Variants in KIF6 observed in about 807,000 individuals in gnomAD.
The protein encoded by KIF6 is kinesin-like protein KIF6.
A neutral mutation model predicts 112.7 loss-of-function variants in KIF6; 106 were observed. That is an observed-to-expected ratio of 0.94 (90% CI 0.80 to 1.11). KIF6 has a LOEUF of 1.11. KIF6 is among the 50% of genes least tolerant of loss of function. KIF6 has a pLI of 0.00. For synonymous variants in KIF6, 339 were observed against 339.9 expected (o/e 1.00, Z 0.03); for missense variants, 929 against 964.0 (o/e 0.96, Z 0.48).
chr6:39,590,427 G>A (rs9471132), intron 7 of KIF6, among the ~76,000 whole-genome samples: 3,578 of 112,416 alleles, frequency 0.032, 99 homozygotes, highest in African/African-American at 0.071. Flanking sequence ...GTATGTGTGT[G>A]TGTATATATA....
chr6:39,623,204 T>C (rs1783920277), intron 5 of KIF6, among the ~76,000 whole-genome samples: 1 of 152,344 alleles, frequency 6.6e-6, no homozygotes, highest in African/African-American at 2.4e-5. Context: ...ATTAGAACTT[T>C]TACTTAATTT....
At chr6:39,386,679 C>T (rs1278145943) in intron 15 of KIF6, among the ~76,000 whole-genome samples, 1 of 152,016 alleles carries the variant, frequency 6.6e-6, no homozygotes, top group Non-Finnish European at 1.5e-5. Flanking sequence ...GTGAGAATTC[C>T]TGCCCTGGGT....
chr6:39,425,491 C>T (rs1770699778), intron 14 of KIF6, among the ~76,000 whole-genome samples: 1 of 152,048 alleles, frequency 6.6e-6, no homozygotes, highest in African/African-American at 2.4e-5. Context: ...ATCTCTCCCA[C>T]TATGGCCTCC....
In KIF6 at chr6:39,720,835, G is replaced by C. The variant is rs368380427; in HGVS notation, c.67-24C>G. 1.2e-5 allele frequency: 12 copies of C among 1,017,540 alleles called. No homozygotes were observed. In the African/African-American group the frequency reaches 1.9e-4, roughly 16 times the overall value. The allele number at this position is 1,017,540 out of a possible 1,614,324, so 63.0% of individuals were successfully genotyped here. On this transcript the variant is annotated intron_variant, in intron 1 of 22. Coordinates refer to ENST00000287152, the MANE Select transcript of KIF6 (RefSeq NM_145027.6). ...ATCTGCAAATGTGAAGACAACAAATGGATATAAAATGGTGAAATTATGGCT... is the reference window on the plus strand; with the variant it reads ...ATCTGCAAATGTGAAGACAACAAATCGATATAAAATGGTGAAATTATGGCT...
intron 19 of KIF6, 129 bp from the exon 20 acceptor site, chr6:39,346,655 CT>C (rs969874356): frequency 7.3e-4 from 388 of 529,066 alleles, no homozygotes; most frequent in South Asian, 1.3e-3. Flanking sequence ...TTCTTTTTTT[CT>C]TTTTTTTTGA....
chr6:39,673,722 C>T (rs1786972576), intron 3 of KIF6, among the ~76,000 whole-genome samples: 1 of 152,132 alleles, frequency 6.6e-6, no homozygotes, highest in Non-Finnish European at 1.5e-5. Context: ...ATGTAAAATG[C>T]TTCAAAGAGG....
In KIF6 at chr6:39,723,785, C is replaced by T. The variant is rs1036930972; in HGVS notation, c.66+1460G>A. 3.9e-5 allele frequency among the ~76,000 whole-genome samples: 6 copies of T among 152,072 alleles called. No homozygotes were observed. The East Asian group carries it at 7.7e-4, about 20-fold the overall frequency. ...GGGAGGGATAGCATTAGGAGAAATA[C>T]CTAATGTAGATGACAGATTGGTGGG... On this transcript the variant is annotated intron_variant, in intron 1 of 22. Transcript: ENST00000287152.
At chr6:39,338,374 G>A (rs992561637) in intron 22 of KIF6, among the ~76,000 whole-genome samples, 42 of 152,320 alleles carry the variant, frequency 2.8e-4, no homozygotes, top group African/African-American at 9.9e-4. Context: ...GGAAGAGATT[G>A]GAAATAATTC....
intron 13 of KIF6, among the ~76,000 whole-genome samples, chr6:39,455,723 G>T (rs1406934373): frequency 6.6e-6 from 1 of 151,908 alleles, no homozygotes; most frequent in Non-Finnish European, 1.5e-5. Context: ...CGTGAAGAAT[G>T]CAGAAGCCTC....
At chr6:39,621,432 T>C (rs1159860193) in intron 5 of KIF6, among the ~76,000 whole-genome samples, 2 of 152,204 alleles carry the variant, frequency 1.3e-5, no homozygotes, top group South Asian at 4.1e-4. Context: ...GATCCTGGCC[T>C]CCCGCCATGT....
intron 13 of KIF6, among the ~76,000 whole-genome samples, chr6:39,533,348 C>T (rs1311592851): frequency 6.6e-6 from 1 of 152,202 alleles, no homozygotes; most frequent in African/African-American, 2.4e-5. Context: ...AACGGTGCAC[C>T]AGGAGATTAT....
chr6:39,594,940 ATC>A (rs1782167832), intron 7 of KIF6, among the ~76,000 whole-genome samples: 1 of 152,150 alleles, frequency 6.6e-6, no homozygotes, highest in Non-Finnish European at 1.5e-5. Flanking sequence ...TTGAGAAATC[ATC>A]TAATTCAATC....
chr6:39,410,939 A>G (rs1769430942), intron 15 of KIF6, among the ~76,000 whole-genome samples: 1 of 152,186 alleles, frequency 6.6e-6, no homozygotes, highest in African/African-American at 2.4e-5. Flanking sequence ...CTCCTTGGTC[A>G]TAGTTTCCTG....
At chr6:39,613,355 G>A (rs1323364736) in intron 5 of KIF6, 37 bp from the exon 6 acceptor site, 1 of 1,521,494 alleles carries the variant, frequency 6.6e-7, no homozygotes, top group Non-Finnish European at 8.8e-7. Context: ...AGGTACTGCT[G>A]AGAATGAAAA....
chr6:39,655,915 T>C (rs1196287353), intron 3 of KIF6, among the ~76,000 whole-genome samples: 1 of 152,258 alleles, frequency 6.6e-6, no homozygotes, highest in African/African-American at 2.4e-5. Flanking sequence ...TACATGTTCC[T>C]TTCCTTGTGA....
At chr6:39,360,556 G>C in intron 17 of KIF6, 26 bp from the exon 18 acceptor site, 1 of 1,613,886 alleles carries the variant, frequency 6.2e-7, no homozygotes. Context: ...GGAAGAGTCA[G>C]GGCACTGCTG....
intron 13 of KIF6, among the ~76,000 whole-genome samples, chr6:39,475,550 G>T (rs1471933929): frequency 4.6e-5 from 7 of 152,160 alleles, no homozygotes; most frequent in Non-Finnish European, 8.8e-5. Context: ...CTGAAATCAG[G>T]ATTCTAACCT....
intron 22 of KIF6, among the ~76,000 whole-genome samples, chr6:39,338,000 G>A (rs959783860): frequency 7.9e-5 from 12 of 152,172 alleles, no homozygotes; most frequent in African/African-American, 2.9e-4. Flanking sequence ...GTCCACCCTG[G>A]ACTTACTGGA....
intron 5 of KIF6, among the ~76,000 whole-genome samples, chr6:39,631,483 A>G (rs1442489412): frequency 6.6e-6 from 1 of 152,036 alleles, no homozygotes; most frequent in African/African-American, 2.4e-5. Context: ...TTAGATTTCT[A>G]TCAATAATGG....
Sources: gnomAD v4.1 joint callset for allele counts (sites outside exome capture counted in the v4.1 genomes callset) on GRCh38, gnomAD v4.1.1 for gene constraint, MANE v1.5 for transcripts, NCBI Gene and HGNC (gene_info 2026-07-23, HGNC 2026-07-21) for gene names.